The following CD300LD variants were observed in gnomAD, a reference collection of about 807,000 sequenced individuals.
The protein encoded by CD300LD is CMRF35-like molecule 5.
A neutral mutation model predicts 20.3 loss-of-function variants in CD300LD; 18 were observed. The observed-to-expected ratio is 0.89, with a 90% CI of 0.61 to 1.32. The LOEUF is 1.32. Ranked by LOEUF, CD300LD falls within the 40% of genes most tolerant of loss-of-function variation. The probability of loss-of-function intolerance (pLI) is 0.00; values close to 1 mark genes in which losing one functional copy is unlikely to be tolerated. For missense variants in CD300LD, 195 were observed against 226.6 expected (o/e 0.86, Z 0.90); for synonymous variants, 104 against 90.1 (o/e 1.15, Z -0.87).
chr17:74,579,171 C>T (rs936024237), downstream of CD300LD, among the ~76,000 whole-genome samples: 4 of 152,262 alleles, frequency 2.6e-5, no homozygotes, highest in African/African-American at 4.8e-5. Context: ...GCAGCTGGCA[C>T]GGCAGCCCGG....
Position 74,579,952 on chromosome 17 carries a change from G to C in CD300LD, c.*50C>G. On this transcript the variant is annotated 3_prime_UTR_variant, in exon 4 of 4. Transcript: ENST00000375352. ...GTGGGAGGGCCTTTCGCCCTGGACA[G>C]GACGTCAATGGGCATTGGGACTCTC... is the stretch of plus-strand genomic sequence containing the variant. 8.5e-7 allele frequency: 1 copy of C among 1,171,186 alleles called. No homozygotes were observed. The highest frequency in any genetic ancestry group is 1.3e-6 in the Non-Finnish European group (1 of 784,698). 72.5% of individuals were successfully genotyped at this position (1,171,186 alleles called of 1,614,324 possible).
chr17:74,580,196 C>T, intron 3 of CD300LD, 83 bp from the exon 4 acceptor site: 1 of 900,092 alleles, frequency 1.1e-6, no homozygotes, highest in Non-Finnish European at 1.8e-6. Flanking sequence ...CAGATCCTGG[C>T]TTCCAATGTC....
At position 74,585,903 on chromosome 17, in the gene CD300LD, T is replaced by A. The variant is rs564340751; in HGVS notation, c.379+2608A>T. Among the ~76,000 whole-genome samples, 4 of 152,274 alleles carry A rather than the reference T, an allele frequency of 2.6e-5. No individual in the cohort carries two copies. In the South Asian group the frequency reaches 8.3e-4, roughly 32 times the overall value. Reference sequence around the variant, plus strand: ...ATATGCTGTTAGGTAATCGTCCTTATTCAGACCTGGAACATCACATGGCAC... The same window carrying A: ...ATATGCTGTTAGGTAATCGTCCTTAATCAGACCTGGAACATCACATGGCAC... On this transcript the variant is annotated intron_variant, in intron 2 of 3. Coordinates refer to ENST00000375352, the MANE Select transcript of CD300LD (RefSeq NM_001115152.2).
At chr17:74,589,132 A>G (rs1018817653) in intron 1 of CD300LD, among the ~76,000 whole-genome samples, 10 of 152,184 alleles carry the variant, frequency 6.6e-5, no homozygotes, top group African/African-American at 2.4e-4. Context: ...TGGCCAGCAA[A>G]TCTTTATATT....
At chr17:74,585,200 A>C (rs1377316597) in intron 2 of CD300LD, among the ~76,000 whole-genome samples, 1 of 152,218 alleles carries the variant, frequency 6.6e-6, no homozygotes, top group Admixed American at 6.5e-5. Flanking sequence ...GGCAGTCTTG[A>C]TGTAGAAATT....
rs1366677173 is a variant in CD300LD at position 74,588,621 on chromosome 17, A to G, written c.269T>C (p.Phe90Ser). The change falls in exon 2 of 4, where the codon TTC becomes TCC. Residue 90 changes from phenylalanine (F) to serine (S), a missense_variant. Phe to Ser is a radical substitution (Grantham distance 155). Coordinates refer to ENST00000375352, the MANE Select transcript of CD300LD (RefSeq NM_001115152.2). ...TTTGAGATTCTCCATGGTCACGGTG[A>G]ACACGTGGTTTTTCTGATTGTCCCT... ...SIRDNQKNHVFTVTMENLKRD... is the reference protein window; with the variant it reads ...SIRDNQKNHVSTVTMENLKRD... The G allele has an allele frequency of 2.5e-6, 4 of 1,614,114 alleles. No individual in the cohort carries two copies. The highest frequency in any genetic ancestry group is 1.1e-5 in the South Asian group (1 of 91,084).
chr17:74,579,889 A>G lies in CD300LD; in HGVS notation c.*113T>C. 1 of 619,788 alleles carries G rather than the reference A, an allele frequency of 1.6e-6. No individual in the cohort carries two copies. Among genetic ancestry groups the G allele is most frequent in the Non-Finnish European group, 2.9e-6 (1 of 350,538 alleles). The allele number at this position is 619,788 out of a possible 1,614,324, so 38.4% of individuals were successfully genotyped here. A position where few individuals can be genotyped will look rare whatever the true frequency, so the allele number is the denominator to read the frequency against. ...GACAGAGCAAGACTCTATCTCTAGA[A>G]AGAAAAAAAGAAGAGAAAAGAAAAT... On this transcript the variant is annotated 3_prime_UTR_variant, in exon 4 of 4. Transcript: ENST00000375352.
chr17:74,590,574 A>T (rs1568024578), intron 1 of CD300LD: 1 of 152,060 alleles, frequency 6.6e-6, no homozygotes, highest in Non-Finnish European at 1.5e-5. Flanking sequence ...GAGCTCCACA[A>T]CCCAAGGAAT....
chr17:74,581,732 G>A (rs72631367), intron 3 of CD300LD, among the ~76,000 whole-genome samples: 2,363 of 152,364 alleles, frequency 0.016, 43 homozygotes, highest in East Asian at 0.076. Context: ...GACCCCAGGA[G>A]GTGGGGAGGG....
At chr17:74,587,899 C>T (rs2143290541) in intron 2 of CD300LD, among the ~76,000 whole-genome samples, 1 of 133,526 alleles carries the variant, frequency 7.5e-6, no homozygotes, top group South Asian at 2.3e-4. Context: ...TGGAGGGAGC[C>T]CTGGGAGCCA....
At chr17:74,592,064 G>A in intron 1 of CD300LD, 99 bp downstream of exon 1, 8 of 1,610,248 alleles carry the variant, frequency 5.0e-6, no homozygotes, top group Non-Finnish European at 6.8e-6. Context: ...AATTGGCGCT[G>A]TCATTTTCCC....
Position 74,588,752 on chromosome 17 carries a change from C to T in CD300LD, c.138G>A (p.Glu46=). ...TVQCAYGSGW[E]TYLKWRCQGA... ...CTTGACACCGCCACTTCAAGTAGGT[C>T]TCCCAGCCTGAGCCATAAGCACACT... The change falls in exon 2 of 4, where the codon GAG becomes GAA. Residue 46 remains glutamate, a synonymous_variant. Transcript: ENST00000375352. 2 of 1,614,212 alleles carry T rather than the reference C, an allele frequency of 1.2e-6. No individual in the cohort carries two copies. The highest frequency in any genetic ancestry group is 1.7e-6 in the Non-Finnish European group (2 of 1,180,022).
intron 2 of CD300LD, among the ~76,000 whole-genome samples, chr17:74,582,900 T>C (rs1348841961): frequency 2.0e-5 from 3 of 152,186 alleles, no homozygotes; most frequent in African/African-American, 7.2e-5. Flanking sequence ...ACGCTGACGG[T>C]GTGTGTAGTG....
intron 1 of CD300LD, among the ~76,000 whole-genome samples, chr17:74,590,002 CCT>C (rs1056686682): frequency 6.6e-6 from 1 of 152,156 alleles, no homozygotes; most frequent in Non-Finnish European, 1.5e-5. Flanking sequence ...GGCAAATTAA[CCT>C]CTCTGTGTGA....
chr17:74,583,034 T>C (rs1178531424), intron 2 of CD300LD, among the ~76,000 whole-genome samples: 2 of 152,154 alleles, frequency 1.3e-5, no homozygotes, highest in East Asian at 3.9e-4. Context: ...TAATAAACTG[T>C]AAATATTTAA....
chr17:74,588,392 A>C, intron 2 of CD300LD, 119 bp downstream of exon 2: 1 of 663,336 alleles, frequency 1.5e-6, no homozygotes, highest in African/African-American at 1.8e-5. Context: ...AGACCTCAGG[A>C]CTCAGACACC....
chr17:74,592,041 G>A (rs778091698), intron 1 of CD300LD, 122 bp downstream of exon 1: 5 of 1,604,372 alleles, frequency 3.1e-6, no homozygotes, highest in Admixed American at 1.7e-5. Flanking sequence ...ATGAATATGG[G>A]CATGGATGGA....
In CD300LD at chr17:74,582,224, AG is replaced by A; in HGVS notation, c.466del (p.Leu156SerfsTer23). 6.2e-7 allele frequency: 1 copy of A among 1,613,544 alleles called. No homozygotes were observed. Among genetic ancestry groups the A allele is most frequent in the Non-Finnish European group, 8.5e-7 (1 of 1,179,720 alleles). On this transcript the variant is annotated frameshift_variant, in exon 3 of 4. Coordinates refer to ENST00000375352, the MANE Select transcript of CD300LD (RefSeq NM_001115152.2). LOFTEE classifies it low-confidence loss of function (END_TRUNC). ...GGGACCTGGCTCCACCTACCTGGTGAGGGGGCTGCTGGTCTTCTGGGTGGCT... is the reference window on the plus strand; with the variant it reads ...GGGACCTGGCTCCACCTACCTGGTGAGGGGCTGCTGGTCTTCTGGGTGGCT... ...AAATQKTSSP[L>X]TRSPLKSTHF... is the part of the protein sequence containing the mutation.
At chr17:74,580,252 T>C (rs1719465) in intron 3 of CD300LD, 139 bp from the exon 4 acceptor site, 421,997 of 616,156 alleles carry the variant, frequency 0.68, 147,055 homozygotes, top group African/African-American at 0.88. Flanking sequence ...GCCCCTTTGG[T>C]GGGGCACAGT....
Sources: allele counts gnomAD v4.1 joint callset (sites outside exome capture counted in the v4.1 genomes callset), GRCh38; gene constraint gnomAD v4.1.1; transcripts MANE v1.5; gene names NCBI Gene and HGNC (gene_info 2026-07-23, HGNC 2026-07-21).